LHFPL7: variants seen among roughly 807,000 people sequenced by gnomAD.
The protein encoded by LHFPL7 is LHFPL tetraspan subfamily member 7.
chr22:24,944,535 G>T, the LHFPL7 span, among the ~76,000 whole-genome samples: 1 of 152,136 alleles, frequency 6.6e-6, no homozygotes, highest in South Asian at 2.1e-4. Context: ...GTGACTAGAA[G>T]TAATGAGGGT....
At chr22:24,936,293 T>A in the LHFPL7 span, among the ~76,000 whole-genome samples, 2 of 152,012 alleles carry the variant, frequency 1.3e-5, no homozygotes, top group Admixed American at 1.3e-4. Flanking sequence ...CCATCTCTCA[T>A]CCTACATCCA....
the LHFPL7 span, among the ~76,000 whole-genome samples, chr22:24,945,234 C>T: frequency 2.0e-5 from 3 of 152,124 alleles, no homozygotes; most frequent in African/African-American, 7.2e-5. Flanking sequence ...GGTAGGGAGT[C>T]TATGGCTGGT....
At chr22:24,937,450 G>A in the LHFPL7 span, among the ~76,000 whole-genome samples, 1 of 152,304 alleles carries the variant, frequency 6.6e-6, no homozygotes, top group Non-Finnish European at 1.5e-5. Flanking sequence ...CATAGGCTAC[G>A]GTAAGAAGTT....
At chr22:24,942,892 AGTGTGTGTGTGTGTGT>A in the LHFPL7 span, among the ~76,000 whole-genome samples, 12 of 128,050 alleles carry the variant, frequency 9.4e-5, no homozygotes, top group South Asian at 3.0e-4. Context: ...AAGGGGATAA[AGTGTGTGTGTGTGTGT>A]GTGTGTGTGT....
At chr22:24,939,616 C>T in the LHFPL7 span, 5 of 691,852 alleles carry the variant, frequency 7.2e-6, no homozygotes, top group South Asian at 4.5e-5. Context: ...AGGGGCTGGC[C>T]GAGGTGCTCC....
the LHFPL7 span, chr22:24,938,077 A>T: frequency 2.6e-6 from 4 of 1,539,884 alleles, no homozygotes; most frequent in Admixed American, 5.5e-5. Context: ...AGACTCATTC[A>T]TTCATTCATT....
At chr22:24,939,474 A>T in the LHFPL7 span, 2 of 702,996 alleles carry the variant, frequency 2.8e-6, no homozygotes, top group African/African-American at 3.5e-5. Flanking sequence ...AGGGGAGATG[A>T]GGCTGAAGGC....
the LHFPL7 span, among the ~76,000 whole-genome samples, chr22:24,944,474 G>A: frequency 6.6e-6 from 1 of 152,140 alleles, no homozygotes. Flanking sequence ...AGGTGCAAAG[G>A]CCCTGAGGGG....
the LHFPL7 span, chr22:24,938,418 G>A: frequency 4.7e-6 from 7 of 1,491,804 alleles, no homozygotes; most frequent in African/African-American, 4.2e-5. Flanking sequence ...GCAGGTGGAT[G>A]CTCCCCTGCT....
At chr22:24,943,189 G>A in the LHFPL7 span, among the ~76,000 whole-genome samples, 3 of 152,140 alleles carry the variant, frequency 2.0e-5, no homozygotes, top group African/African-American at 4.8e-5. Flanking sequence ...GGAAGCCTGG[G>A]AGAGCTGAAT....
At chr22:24,940,630 T>TGCCC in the LHFPL7 span, among the ~76,000 whole-genome samples, 1 of 40,896 alleles carries the variant, frequency 2.4e-5, no homozygotes, top group East Asian at 4.3e-4. Context: ...CACACACATA[T>TGCCC]GCCCGCCCTT....
At chr22:24,939,346 A>G in the LHFPL7 span, 1 of 702,960 alleles carries the variant, frequency 1.4e-6, no homozygotes, top group South Asian at 1.5e-5. Flanking sequence ...TTCCAGGCAA[A>G]GTCAGGAATA....
chr22:24,940,590 C>T, the LHFPL7 span, among the ~76,000 whole-genome samples: 669 of 145,704 alleles, frequency 4.6e-3, 3 homozygotes, highest in African/African-American at 0.016. Context: ...AGCGAGACTC[C>T]GTCTCAAAAA....
chr22:24,938,701 C>T, the LHFPL7 span, among the ~76,000 whole-genome samples: 5 of 152,184 alleles, frequency 3.3e-5, no homozygotes, highest in Non-Finnish European at 7.3e-5. Flanking sequence ...ACCCTTATAA[C>T]AATCAATTTT....
At chr22:24,939,251 C>T in the LHFPL7 span, 3 of 695,784 alleles carry the variant, frequency 4.3e-6, no homozygotes, top group South Asian at 3.0e-5. Flanking sequence ...AAAGCCTCCT[C>T]GAATTCCGCT....
At chr22:24,938,492 A>G in the LHFPL7 span, among the ~76,000 whole-genome samples, 2 of 152,232 alleles carry the variant, frequency 1.3e-5, no homozygotes, top group East Asian at 3.8e-4. Context: ...CATTTTACAT[A>G]AAAAGAAACT....
At chr22:24,940,276 A>T in the LHFPL7 span, among the ~76,000 whole-genome samples, 1 of 141,034 alleles carries the variant, frequency 7.1e-6, no homozygotes, top group Admixed American at 7.2e-5. Flanking sequence ...GGCTGCTTCT[A>T]CCCAGTCGGG....
chr22:24,938,009 G>C, the LHFPL7 span: 1 of 1,298,514 alleles, frequency 7.7e-7, no homozygotes, highest in Non-Finnish European at 1.0e-6. Flanking sequence ...ACCAGGAATA[G>C]TCAACAATCC....
At chr22:24,945,711 G>T in the LHFPL7 span, among the ~76,000 whole-genome samples, 7 of 152,344 alleles carry the variant, frequency 4.6e-5, no homozygotes, top group African/African-American at 1.7e-4. Flanking sequence ...AAAGCCTGGG[G>T]TGACACTGGG....
Sources: gnomAD v4.1 joint callset for allele counts (sites outside exome capture counted in the v4.1 genomes callset) on GRCh38, gnomAD v4.1.1 for gene constraint, MANE v1.5 for transcripts, NCBI Gene and HGNC (gene_info 2026-07-23, HGNC 2026-07-21) for gene names.